XRCC1: variants seen among roughly 807,000 people sequenced by gnomAD.
The protein encoded by XRCC1 is DNA repair protein XRCC1.
In XRCC1, 52 loss-of-function variants were observed where a neutral mutation model predicts 83.3. The ratio of observed to expected loss-of-function variants is 0.62; its 90% CI spans 0.50 to 0.79. XRCC1 has a LOEUF of 0.79. XRCC1 is among the 30% of genes least tolerant of loss of function. The pLI is 0.00. For synonymous variants in XRCC1, 281 were observed against 312.6 expected, an observed-to-expected ratio of 0.90 and a Z score of 1.07; for missense variants, 793 against 823.5, an observed-to-expected ratio of 0.96 and a Z score of 0.45.
chr19:43,547,499 T>A (rs1343039756), intron 10 of XRCC1, among the ~76,000 whole-genome samples: 3 of 145,872 alleles, frequency 2.1e-5, no homozygotes, highest in South Asian at 2.2e-4. Context: ...TTTTTTTTTT[T>A]AGACAAGATC....
intron 2 of XRCC1, among the ~76,000 whole-genome samples, chr19:43,561,632 G>C (rs1454208500): frequency 1.3e-5 from 2 of 152,228 alleles, no homozygotes; most frequent in Non-Finnish European, 2.9e-5. Flanking sequence ...ATTATCTGCT[G>C]TCAGTCAGGA....
At position 43,560,922 on chromosome 19, in the gene XRCC1, C is replaced by T. The variant is rs1419289016; in HGVS notation, c.243G>A (p.Glu81=). The T allele has an allele frequency of 1.9e-6, 3 of 1,614,062 alleles. No individual in the cohort carries two copies. The highest frequency in any genetic ancestry group is 2.7e-5 in the African/African-American group (2 of 75,052). Residue 81 remains glutamate (E), a synonymous_variant, in exon 3 of 17, where the codon GAG becomes GAA. Transcript: ENST00000262887. ...LVGSSAGGAG[E]QDYEVLLVTS... ...TAGCCCTGCTTACCTCATAGTCTTG[C>T]TCCCCAGCGCCTCCAGCTGAACTGC...
chr19:43,557,777 AG>A, intron 3 of XRCC1, among the ~76,000 whole-genome samples: 1 of 132,474 alleles, frequency 7.5e-6, no homozygotes, highest in East Asian at 2.6e-4. Context: ...GGGCAACAGG[AG>A]CAAAATTCCA....
At chr19:43,566,291 G>A (rs964415449) in intron 2 of XRCC1, among the ~76,000 whole-genome samples, 7 of 151,242 alleles carry the variant, frequency 4.6e-5, no homozygotes, top group East Asian at 3.9e-4. Flanking sequence ...CTAGCACTTC[G>A]GGAGGCAGAG....
chr19:43,551,549 G>A (rs1267282564), intron 10 of XRCC1, 22 bp downstream of exon 10: 2 of 1,591,030 alleles, frequency 1.3e-6, no homozygotes, highest in Admixed American at 1.7e-5. Context: ...ATAAGGAGCA[G>A]GGTTGGCGTG....
In XRCC1 at chr19:43,574,979, G is replaced by A; in HGVS notation, c.75C>T (p.Leu25=). The A allele has an allele frequency of 6.2e-7, 1 of 1,614,124 alleles. No individual in the cohort carries two copies. Among genetic ancestry groups the A allele is most frequent in the South Asian group, 1.1e-5 (1 of 91,070 alleles). The change falls in exon 2 of 17, where the codon CTC becomes CTT. Residue 25 remains leucine (L), a synonymous_variant. Coordinates refer to ENST00000262887, the MANE Select transcript of XRCC1 (RefSeq NM_006297.3). Reference sequence around the variant, plus strand: ...GCCATTTTCGGTAAGTGTCTGCCTTGAGAAGATTTTCTGCACAGTGAGTCT... The same window carrying A: ...GCCATTTTCGGTAAGTGTCTGCCTTAAGAAGATTTTCTGCACAGTGAGTCT... ...QDSTHCAENL[L]KADTYRKWRA...
rs1248076118 is a variant in XRCC1 at position 43,575,389 on chromosome 19, C to T, written c.51+19G>A. The T allele has an allele frequency of 1.3e-6, 2 of 1,591,446 alleles. No homozygotes were observed. The highest frequency in any genetic ancestry group is 8.6e-7 in the Non-Finnish European group (1 of 1,165,294). ...TAATTCCCTCACGTCTTCCAACCTC[C>T]CCCATGCAGGTCCCTCACCGAGTCC... On this transcript the variant is annotated intron_variant, in intron 1 of 16. Coordinates refer to ENST00000262887, the MANE Select transcript of XRCC1 (RefSeq NM_006297.3).
intron 3 of XRCC1, among the ~76,000 whole-genome samples, chr19:43,557,837 G>C (rs1972655314): frequency 6.7e-6 from 1 of 149,592 alleles, no homozygotes; most frequent in African/African-American, 2.5e-5. Context: ...GGGAGGGAAG[G>C]AGGGGAGGGA....
At position 43,552,001 on chromosome 19, in the gene XRCC1, G is replaced by A. The variant is rs25492; in HGVS notation, c.1082+16C>T. ...GGAGAAACTGCAGCGGCGCAGGGAG[G>A]GGGGCGCAAGCCTACATGAGGTGCG... On this transcript the variant is annotated intron_variant, in intron 9 of 16. Transcript: ENST00000262887. 29 of 1,612,154 alleles carry A rather than the reference G, an allele frequency of 1.8e-5. No individual in the cohort carries two copies. Among genetic ancestry groups the A allele is most frequent in the Middle Eastern group, 1.6e-4 (1 of 6,070 alleles).
At chr19:43,567,917 C>T (rs538285277) in intron 2 of XRCC1, among the ~76,000 whole-genome samples, 1 of 150,064 alleles carries the variant, frequency 6.7e-6, no homozygotes, top group African/African-American at 2.5e-5. Context: ...CTCTGTCACC[C>T]AGGCTAGAGT....
intron 14 of XRCC1, among the ~76,000 whole-genome samples, chr19:43,545,179 C>T (rs1162622670): frequency 6.6e-6 from 1 of 152,154 alleles, no homozygotes; most frequent in East Asian, 1.9e-4. Flanking sequence ...TGGGTGGAAA[C>T]GGCTCTTCTG....
intron 2 of XRCC1, among the ~76,000 whole-genome samples, chr19:43,563,395 A>G (rs1363640409): frequency 6.6e-6 from 1 of 152,208 alleles, no homozygotes; most frequent in Non-Finnish European, 1.5e-5. Context: ...GGGGAGGCTG[A>G]GGCAGGAGAA....
intron 3 of XRCC1, chr19:43,555,083 T>C (rs1416406465): frequency 3.6e-6 from 1 of 281,462 alleles, no homozygotes; most frequent in African/African-American, 2.2e-5. Context: ...GCGGGCTACA[T>C]GTCCTAAGGA....
intron 2 of XRCC1, among the ~76,000 whole-genome samples, chr19:43,561,385 C>T (rs1972697649): frequency 6.6e-6 from 1 of 152,194 alleles, no homozygotes; most frequent in African/African-American, 2.4e-5. Flanking sequence ...GCACATGTCA[C>T]CCCTCACCCA....
intron 14 of XRCC1, among the ~76,000 whole-genome samples, chr19:43,545,287 ACT>A (rs1972497045): frequency 6.6e-6 from 1 of 151,528 alleles, no homozygotes; most frequent in African/African-American, 2.4e-5. Context: ...TCATCCCACA[ACT>A]CCCTGCAGAG....
In XRCC1 at chr19:43,553,383, C is replaced by T. The variant is rs2146052165; in HGVS notation, c.601+18G>A. 6.2e-7 allele frequency: 1 copy of T among 1,613,438 alleles called. No individual in the cohort carries two copies. The highest frequency in any genetic ancestry group is 1.1e-5 in the South Asian group (1 of 91,070). The stretch of plus-strand genomic sequence containing the variant: ...GTCTCAACCCTACTCACTCAGGACC[C>T]ACGTTGTCCGAGCTCACCTGGGGAT... On this transcript the variant is annotated intron_variant, in intron 6 of 16. Coordinates refer to ENST00000262887, the MANE Select transcript of XRCC1 (RefSeq NM_006297.3).
intron 2 of XRCC1, among the ~76,000 whole-genome samples, chr19:43,571,538 C>A (rs1196031870): frequency 1.3e-5 from 2 of 152,242 alleles, no homozygotes; most frequent in African/African-American, 2.4e-5. Context: ...GCATCTCATT[C>A]TGTTGCCCAG....
At position 43,553,656 on chromosome 19, in the gene XRCC1, G is replaced by A. The variant is rs374486126; in HGVS notation, c.442C>T (p.Arg148Trp). Residue 148 changes from arginine (R) to tryptophan (W), a missense_variant, in exon 5 of 17, where the codon CGG becomes TGG. Transcript: ENST00000262887. ...KDSPFGLSFV[R>W]FHSPPDKDEA... ...TCTTTGTCTGGGGGGCTATGAAACC[G>A]TACAAAACTCAAGCCAAAGGGGGAG... 24 of 1,552,486 alleles carry A rather than the reference G, an allele frequency of 1.5e-5. No homozygotes were observed. The highest frequency in any genetic ancestry group is 5.6e-5 in the Admixed American group (3 of 53,456).
chr19:43,566,887 A>AG (rs1213623722), intron 2 of XRCC1, among the ~76,000 whole-genome samples: 8 of 151,744 alleles, frequency 5.3e-5, no homozygotes, highest in African/African-American at 1.9e-4. Flanking sequence ...TCAAAAAAAA[A>AG]AAAAAAAAAA....
Sources: gnomAD v4.1 joint callset for allele counts (sites outside exome capture counted in the v4.1 genomes callset) on GRCh38, gnomAD v4.1.1 for gene constraint, MANE v1.5 for transcripts, NCBI Gene and HGNC (gene_info 2026-07-23, HGNC 2026-07-21) for gene names.